Variants in PCDH15 observed in about 807,000 individuals in gnomAD.
PCDH15 encodes protocadherin-15.
Under a neutral mutation model 178.5 loss-of-function variants are expected in PCDH15, and 129 were observed. The observed-to-expected ratio is 0.72, with a 90% CI of 0.63 to 0.84. The LOEUF (loss-of-function observed/expected upper bound fraction) is 0.84. Ranked by LOEUF, PCDH15 falls within the 40% of genes least tolerant of loss-of-function variation. The probability of loss-of-function intolerance (pLI) is 0.00; values close to 1 mark genes in which losing one functional copy is unlikely to be tolerated. For synonymous variants in PCDH15, 800 were observed against 732.0 expected (o/e 1.09, Z -1.50); for missense variants, 2,230 against 2,099.9 (o/e 1.06, Z -1.21).
At chr10:55,417,619 A>C (rs912232202) in intron 2 of PCDH15, among the ~76,000 whole-genome samples, 4 of 151,746 alleles carry the variant, frequency 2.6e-5, no homozygotes, top group African/African-American at 9.7e-5. Context: ...AAAATTATTC[A>C]TAAAGCTAGG....
At chr10:54,790,588 G>A (rs931033395) in intron 1 of PCDH15, among the ~76,000 whole-genome samples, 62 of 151,614 alleles carry the variant, frequency 4.1e-4, no homozygotes, top group African/African-American at 1.3e-3. Flanking sequence ...TCCTCTGAGC[G>A]AGCTTGGAAG....
chr10:54,142,753 C>G (rs2043529166), intron 14 of PCDH15, among the ~76,000 whole-genome samples: 1 of 151,766 alleles, frequency 6.6e-6, no homozygotes, highest in Non-Finnish European at 1.5e-5. Flanking sequence ...TACAAAGATA[C>G]AATTTTGTTT....
At chr10:54,700,216 C>A (rs753521001) in intron 1 of PCDH15, among the ~76,000 whole-genome samples, 1 of 152,010 alleles carries the variant, frequency 6.6e-6, no homozygotes, top group Non-Finnish European at 1.5e-5. Flanking sequence ...AATACCTTAT[C>A]CAAAGGGCAG....
At chr10:54,251,036 G>A (rs886565743) in intron 8 of PCDH15, among the ~76,000 whole-genome samples, 15 of 152,144 alleles carry the variant, frequency 9.9e-5, no homozygotes, top group East Asian at 1.9e-4. Context: ...ATTGACAGAC[G>A]TCTTTGAGTA....
chr10:54,171,207 C>T (rs191429027), intron 13 of PCDH15, among the ~76,000 whole-genome samples: 1 of 152,006 alleles, frequency 6.6e-6, no homozygotes, highest in African/African-American at 2.4e-5. Flanking sequence ...TTTTCAGGCT[C>T]TTAATATTCA....
chr10:55,223,065 A>C (rs1840930852), intron 1 of PCDH15, among the ~76,000 whole-genome samples: 1 of 152,102 alleles, frequency 6.6e-6, no homozygotes, highest in Admixed American at 6.5e-5. Context: ...ATACCTGTGC[A>C]GTCCATTAGG....
intron 16 of PCDH15, among the ~76,000 whole-genome samples, chr10:54,084,022 G>C (rs2094475973): frequency 6.6e-6 from 1 of 151,924 alleles, no homozygotes; most frequent in African/African-American, 2.4e-5. Flanking sequence ...TCAGGAGATG[G>C]AGACCATCCA....
intron 8 of PCDH15, among the ~76,000 whole-genome samples, chr10:54,258,533 C>G (rs1161792122): frequency 6.6e-6 from 1 of 152,126 alleles, no homozygotes; most frequent in Non-Finnish European, 1.5e-5. Flanking sequence ...CATCATGACA[C>G]AGACTTAAAG....
chr10:54,935,605 A>G (rs904777654), intron 2 of PCDH15, among the ~76,000 whole-genome samples: 8 of 152,100 alleles, frequency 5.3e-5, no homozygotes, highest in Non-Finnish European at 1.5e-5. Context: ...CACACAAAGT[A>G]AAACATAAAA....
intron 3 of PCDH15, among the ~76,000 whole-genome samples, chr10:54,835,438 AT>A (rs753596849): frequency 1.3e-5 from 2 of 151,952 alleles, no homozygotes; most frequent in Admixed American, 6.6e-5. Context: ...CACACACAGT[AT>A]TTTTTATGTA....
At chr10:54,680,272 A>C (rs1400709432) in intron 1 of PCDH15, among the ~76,000 whole-genome samples, 1 of 152,144 alleles carries the variant, frequency 6.6e-6, no homozygotes, top group East Asian at 1.9e-4. Context: ...GTTCGAGGTT[A>C]CTTTTTCTTT....
intron 3 of PCDH15, among the ~76,000 whole-genome samples, chr10:54,427,563 C>T (rs1956444761): frequency 6.6e-6 from 1 of 151,988 alleles, no homozygotes; most frequent in Admixed American, 6.6e-5. Flanking sequence ...CAGGCGTGAG[C>T]CACCATGCCT....
chr10:54,623,684 T>C (rs1381032830), intron 2 of PCDH15, among the ~76,000 whole-genome samples: 1 of 152,140 alleles, frequency 6.6e-6, no homozygotes, highest in Admixed American at 6.6e-5. Context: ...AATTGACCCT[T>C]ATTATTTAAA....
chr10:53,995,514 A>C, intron 21 of PCDH15, 135 bp downstream of exon 21: 9 of 1,510,558 alleles, frequency 6.0e-6, no homozygotes. Context: ...AAATAAGTAA[A>C]AGAACATAAA....
intron 2 of PCDH15, among the ~76,000 whole-genome samples, chr10:54,629,566 C>T (rs1414455250): frequency 1.3e-5 from 2 of 152,004 alleles, no homozygotes; most frequent in African/African-American, 4.8e-5. Context: ...TAAAAACCTA[C>T]AACAAACTAG....
At chr10:55,339,801 T>A (rs1355846297) in intron 2 of PCDH15, among the ~76,000 whole-genome samples, 1 of 152,022 alleles carries the variant, frequency 6.6e-6, no homozygotes, top group Non-Finnish European at 1.5e-5. Context: ...AACACTTGAG[T>A]ACATGGAAAG....
chr10:54,733,809 T>C (rs1238441082), intron 1 of PCDH15, among the ~76,000 whole-genome samples: 1 of 149,140 alleles, frequency 6.7e-6, no homozygotes, highest in Non-Finnish European at 1.5e-5. Flanking sequence ...ATGTTTATTT[T>C]CTGACAAAGT....
chr10:54,299,333 G>C (rs1443659398), intron 8 of PCDH15, among the ~76,000 whole-genome samples: 2 of 150,926 alleles, frequency 1.3e-5, no homozygotes, highest in Non-Finnish European at 3.0e-5. Context: ...GAGAAAGACA[G>C]ACAAAGAAGA....
chr10:55,556,579 C>A (rs529392887), intron 2 of PCDH15, among the ~76,000 whole-genome samples: 8 of 152,130 alleles, frequency 5.3e-5, no homozygotes, highest in African/African-American at 1.9e-4. Context: ...ACCTGTAATC[C>A]CAGCATTTTG....
Sources: allele counts gnomAD v4.1 joint callset (sites outside exome capture counted in the v4.1 genomes callset), GRCh38; gene constraint gnomAD v4.1.1; transcripts MANE v1.5; gene names NCBI Gene and HGNC (gene_info 2026-07-23, HGNC 2026-07-21).